Variants in UGGT1 observed in about 807,000 individuals in gnomAD.
UGGT1 encodes UDP-glucose:glycoprotein glucosyltransferase 1.
Under a neutral mutation model 203.9 loss-of-function variants are expected in UGGT1, and 107 were observed. The observed-to-expected ratio is 0.52, with a 90% confidence interval of 0.45 to 0.62. The LOEUF is 0.62. Ranked by LOEUF, UGGT1 falls within the 20% of genes least tolerant of loss-of-function variation. The probability of loss-of-function intolerance (pLI) is 0.00; values close to 1 mark genes in which losing one functional copy is unlikely to be tolerated. For synonymous variants in UGGT1, 628 were observed against 653.5 expected, an observed-to-expected ratio of 0.96 and a Z score of 0.59; for missense variants, 1,673 against 1,867.2, an observed-to-expected ratio of 0.90 and a Z score of 1.92.
chr2:128,181,728 C>A (rs914498833), intron 36 of UGGT1, among the ~76,000 whole-genome samples: 7 of 152,168 alleles, frequency 4.6e-5, no homozygotes, highest in Admixed American at 3.3e-4. Flanking sequence ...GTAACATAGC[C>A]ACATTTAATC....
intron 32 of UGGT1, among the ~76,000 whole-genome samples, chr2:128,177,351 T>C (rs1045396828): frequency 6.6e-6 from 1 of 152,166 alleles, no homozygotes; most frequent in African/African-American, 2.4e-5. Context: ...TTACACACAG[T>C]GAAACCTAAA....
At chr2:128,110,180 T>C (rs1402039533) in intron 5 of UGGT1, among the ~76,000 whole-genome samples, 1 of 152,224 alleles carries the variant, frequency 6.6e-6, no homozygotes, top group Non-Finnish European at 1.5e-5. Flanking sequence ...TTGATTTGAA[T>C]ATTAATTTGG....
chr2:128,187,388 G>T, intron 39 of UGGT1, 61 bp from the exon 40 acceptor site: 2 of 1,555,898 alleles, frequency 1.3e-6, no homozygotes, highest in Middle Eastern at 1.7e-4. Flanking sequence ...AAGAACCTTT[G>T]AATTCTCTAT....
In UGGT1 at chr2:128,159,665, A is replaced by C. The variant is rs566620033; in HGVS notation, c.2507A>C (p.Glu836Ala). The change falls in exon 23 of 41, where the codon GAG becomes GCG. Residue 836 changes from glutamate to alanine, a missense_variant. Transcript: ENST00000259253. ...AKNFITKMAK[E>A]GAAEALAAGA... The stretch of plus-strand genomic sequence containing the variant: ...AACTTCATCACCAAAATGGCCAAGG[A>C]GGGGGCTGCAGAGGCCCTGGCTGCA... The C allele has an allele frequency of 6.2e-7, 1 of 1,614,090 alleles. No individual in the cohort carries two copies. The highest frequency in any genetic ancestry group is 1.1e-5 in the South Asian group (1 of 91,078).
At chr2:128,176,919 G>A in intron 32 of UGGT1, 21 bp downstream of exon 32, 2 of 1,604,450 alleles carry the variant, frequency 1.2e-6, no homozygotes, top group East Asian at 4.5e-5. Flanking sequence ...TAAAAGTAGT[G>A]GCATTCTGTT....
intron 31 of UGGT1, 136 bp downstream of exon 31, chr2:128,174,994 T>C (rs1329094971): frequency 1.5e-6 from 1 of 661,468 alleles, no homozygotes; most frequent in African/African-American, 1.8e-5. Context: ...CAGTGGTTTT[T>C]CCAGGAAATT....
At chr2:128,129,490 C>A (rs1301676644) in intron 13 of UGGT1, among the ~76,000 whole-genome samples, 1 of 151,664 alleles carries the variant, frequency 6.6e-6, no homozygotes, top group African/African-American at 2.4e-5. Context: ...CCTCTGCCTC[C>A]CAGGTTCAAG....
intron 16 of UGGT1, chr2:128,140,655 A>C (rs1293673021): frequency 6.6e-6 from 1 of 152,106 alleles, no homozygotes; most frequent in Non-Finnish European, 1.5e-5. Context: ...AGCTACACCC[A>C]CCACCCACTG....
chr2:128,122,691 CTGAA>C (rs1355435357), intron 10 of UGGT1, among the ~76,000 whole-genome samples: 6 of 152,120 alleles, frequency 3.9e-5, no homozygotes, highest in Admixed American at 3.9e-4. Flanking sequence ...TCTTGAGTCA[CTGAA>C]TGAAGTGTTT....
intron 12 of UGGT1, among the ~76,000 whole-genome samples, chr2:128,128,120 G>T (rs1307927493): frequency 1.3e-5 from 2 of 152,022 alleles, no homozygotes; most frequent in Non-Finnish European, 2.9e-5. Context: ...CTCAGAAGGT[G>T]TTCTGTCTAC....
intron 21 of UGGT1, 56 bp from the exon 22 acceptor site, chr2:128,157,196 A>G (rs150575545): frequency 1.1e-5 from 14 of 1,244,960 alleles, no homozygotes; most frequent in African/African-American, 3.0e-5. Flanking sequence ...AGAATGTTGA[A>G]ACACAGAATG....
chr2:128,132,560 A>G (rs972164638), intron 13 of UGGT1, among the ~76,000 whole-genome samples: 1 of 152,136 alleles, frequency 6.6e-6, no homozygotes, highest in Non-Finnish European at 1.5e-5. Flanking sequence ...ACAAAAACAA[A>G]CAAACAAAAA....
intron 12 of UGGT1, among the ~76,000 whole-genome samples, chr2:128,128,828 G>A (rs552518429): frequency 1.0e-3 from 152 of 152,240 alleles, no homozygotes; most frequent in Non-Finnish European, 1.6e-3. Context: ...AGAGATTAAT[G>A]TACTGTTTTT....
chr2:128,143,217 A>C lies in UGGT1; in HGVS notation c.1843A>C (p.Asn615His). 2 of 1,613,330 alleles carry C rather than the reference A, an allele frequency of 1.2e-6. No individual in the cohort carries two copies. The highest frequency in any genetic ancestry group is 1.7e-6 in the Non-Finnish European group (2 of 1,179,746). Residue 615 changes from asparagine (N) to histidine (H), a missense_variant, in exon 17 of 41, where the codon AAT becomes CAT. This residue lies in a region of UGGT1 where 1,073 missense variants were observed against 1,078.7 expected (regional missense o/e 0.99). Coordinates refer to ENST00000259253, the MANE Select transcript of UGGT1 (RefSeq NM_020120.4). ...GGGGATTGATTCTGCTTATGATCGG[A>C]ATCGGAAGGTAAAAAATTTCTTTGT... ...ILGIDSAYDRNRKEARGYYEQ... is the reference protein window; with the variant it reads ...ILGIDSAYDRHRKEARGYYEQ...
rs201917960 is a variant in UGGT1 at position 128,129,147 on chromosome 2, T to C, written c.1345T>C (p.Tyr449His). ...KLNIQPSEAD[Y>H]AVDIRSPAIS... Reference sequence around the variant, plus strand: ...GAACATCCAGCCCTCTGAGGCAGACTATGCCGTAGACATCCGGAGTCCTGC... The same window carrying C: ...GAACATCCAGCCCTCTGAGGCAGACCATGCCGTAGACATCCGGAGTCCTGC... The change falls in exon 13 of 41, where the codon TAT becomes CAT. Residue 449 changes from tyrosine (Y) to histidine (H), a missense_variant. Physicochemically the swap from Tyr to His is moderately conservative, Grantham distance 83. Transcript: ENST00000259253. The C allele has an allele frequency of 3.1e-6, 5 of 1,613,306 alleles. No individual in the cohort carries two copies. The highest frequency in any genetic ancestry group is 4.2e-6 in the Non-Finnish European group (5 of 1,179,874).
At chr2:128,107,103 T>C (rs1687642851) in intron 3 of UGGT1, among the ~76,000 whole-genome samples, 1 of 152,228 alleles carries the variant, frequency 6.6e-6, no homozygotes, top group Non-Finnish European at 1.5e-5. Context: ...TCTGTTTCTT[T>C]CCTGCTTTTT....
intron 16 of UGGT1, among the ~76,000 whole-genome samples, chr2:128,141,487 C>T (rs1489317700): frequency 6.7e-6 from 1 of 148,618 alleles, no homozygotes; most frequent in Non-Finnish European, 1.5e-5. Context: ...CGCCTGTGGT[C>T]CCAGCTACTC....
intron 4 of UGGT1, among the ~76,000 whole-genome samples, chr2:128,109,344 C>T (rs1490559740): frequency 1.1e-4 from 16 of 152,164 alleles, no homozygotes; most frequent in Admixed American, 9.2e-4. Flanking sequence ...GCTGGGACTA[C>T]AGGCGTATGC....
intron 4 of UGGT1, 98 bp downstream of exon 4, chr2:128,108,166 C>A: frequency 7.2e-7 from 1 of 1,392,906 alleles, no homozygotes; most frequent in South Asian, 1.6e-5. Context: ...GAGCTATTAT[C>A]ACTTTTTTGC....
Sources: allele counts gnomAD v4.1 joint callset (sites outside exome capture counted in the v4.1 genomes callset), GRCh38; gene constraint gnomAD v4.1.1; regional missense constraint gnomAD v4.1.1; transcripts MANE v1.5; gene names NCBI Gene and HGNC (gene_info 2026-07-23, HGNC 2026-07-21).